PLEKHM3: variants seen among roughly 807,000 people sequenced by gnomAD.
PLEKHM3 encodes pleckstrin homology domain-containing family M member 3.
In PLEKHM3, 45 loss-of-function variants were observed where a neutral mutation model predicts 81.8. The observed-to-expected ratio is 0.55, with a 90% CI of 0.43 to 0.71. The LOEUF is 0.71. Among genes scored for constraint, PLEKHM3 ranks in the 30% least tolerant of loss-of-function variants. PLEKHM3 has a pLI of 0.00. For synonymous variants in PLEKHM3, 352 were observed against 356.4 expected, an observed-to-expected ratio of 0.99 and a Z score of 0.14; for missense variants, 788 against 924.3, an observed-to-expected ratio of 0.85 and a Z score of 1.91.
intron 3 of PLEKHM3, among the ~76,000 whole-genome samples, chr2:207,951,602 C>T (rs1281340994): frequency 6.6e-6 from 1 of 152,220 alleles, no homozygotes. Flanking sequence ...AGCCTCCCCT[C>T]TGATACACTC....
chr2:207,865,801 A>AAAAAAAAAAAAT lies in PLEKHM3; in HGVS notation c.1951-4540_1951-4539insATTTTTTTTTTT. Reference sequence around the variant, plus strand: ...CGACTCAAAAAAAAAAAAAAAAAAAAAGATATATATATATATATATATATA... The same window carrying AAAAAAAAAAAAT: ...CGACTCAAAAAAAAAAAAAAAAAAAAAAAAAAAAAAATAGATATATATATATATATATATATA... On this transcript the variant is annotated intron_variant, in intron 6 of 7. Coordinates refer to ENST00000427836, the MANE Select transcript of PLEKHM3 (RefSeq NM_001080475.3). Among the ~76,000 whole-genome samples, 14 of 25,282 alleles carry AAAAAAAAAAAAT rather than the reference A, an allele frequency of 5.5e-4. 3 individuals are homozygous for AAAAAAAAAAAAT. Among genetic ancestry groups the AAAAAAAAAAAAT allele is most frequent in the Admixed American group, 6.7e-4 (2 of 3,000 alleles). 16.6% of individuals were successfully genotyped at this position (25,282 alleles called of 152,430 possible).
chr2:207,906,323 C>G (rs1688609334), intron 6 of PLEKHM3, among the ~76,000 whole-genome samples: 1 of 152,182 alleles, frequency 6.6e-6, no homozygotes, highest in Non-Finnish European at 1.5e-5. Flanking sequence ...CCCTAGCCAG[C>G]AGACCACTGC....
At chr2:207,891,877 A>AT (rs1406690930) in intron 6 of PLEKHM3, among the ~76,000 whole-genome samples, 3 of 152,170 alleles carry the variant, frequency 2.0e-5, no homozygotes, top group African/African-American at 7.2e-5. Context: ...TCTTTCACTT[A>AT]TGGATTATTT....
intron 7 of PLEKHM3, among the ~76,000 whole-genome samples, chr2:207,856,390 T>C (rs2092437838): frequency 6.6e-6 from 1 of 152,200 alleles, no homozygotes; most frequent in African/African-American, 2.4e-5. Flanking sequence ...CTGACAAATG[T>C]ATAATGTCAT....
At chr2:207,837,444 T>C (rs1191024960) in intron 7 of PLEKHM3, among the ~76,000 whole-genome samples, 1 of 151,820 alleles carries the variant, frequency 6.6e-6, no homozygotes, top group Admixed American at 6.6e-5. Context: ...CTACTAAAAA[T>C]ACAAAAATTA....
intron 7 of PLEKHM3, among the ~76,000 whole-genome samples, chr2:207,841,908 ATACTAGGGAAGTT>A (rs1453210362): frequency 6.6e-6 from 1 of 152,164 alleles, no homozygotes; most frequent in African/African-American, 2.4e-5. Flanking sequence ...TATATTAAAT[ATACTAGGGAAGTT>A]TACTGCCCCG....
chr2:208,009,163 A>G (rs1692605507), intron 1 of PLEKHM3, among the ~76,000 whole-genome samples: 1 of 152,064 alleles, frequency 6.6e-6, no homozygotes, highest in African/African-American at 2.4e-5. Flanking sequence ...GCCTTTCACA[A>G]TCTTGGGCTA....
chr2:207,861,342 C>T, intron 6 of PLEKHM3, 80 bp from the exon 7 acceptor site: 2 of 1,391,086 alleles, frequency 1.4e-6, no homozygotes, highest in Non-Finnish European at 1.9e-6. Flanking sequence ...AAAGGAATTC[C>T]TTTCCTTTAC....
At chr2:207,992,233 T>C (rs1691922297) in intron 2 of PLEKHM3, among the ~76,000 whole-genome samples, 1 of 152,186 alleles carries the variant, frequency 6.6e-6, no homozygotes, top group African/African-American at 2.4e-5. Flanking sequence ...TGGCTTAGAA[T>C]CCTAGCCCTG....
intron 6 of PLEKHM3, among the ~76,000 whole-genome samples, chr2:207,908,124 C>T (rs116361709): frequency 0.019 from 2,841 of 152,214 alleles, 87 homozygotes; most frequent in African/African-American, 0.065. Flanking sequence ...CACTTTTTTG[C>T]TATTATGAAT....
At chr2:207,913,154 G>T (rs1032528310) in intron 5 of PLEKHM3, among the ~76,000 whole-genome samples, 2 of 152,124 alleles carry the variant, frequency 1.3e-5, no homozygotes, top group Non-Finnish European at 2.9e-5. Flanking sequence ...TTGTCTTGGT[G>T]GGGGAAAGGG....
chr2:207,974,237 CCTT>C (rs1328243774), intron 3 of PLEKHM3, among the ~76,000 whole-genome samples: 4 of 152,154 alleles, frequency 2.6e-5, no homozygotes, highest in Admixed American at 1.3e-4. Flanking sequence ...GCTTCCTTCT[CCTT>C]CTTTTGCTCA....
intron 7 of PLEKHM3, among the ~76,000 whole-genome samples, chr2:207,837,876 T>C (rs1481555678): frequency 6.8e-6 from 1 of 148,036 alleles, no homozygotes; most frequent in Non-Finnish European, 1.5e-5. Flanking sequence ...GTTCAAGCGA[T>C]TCTCCTGCCT....
chr2:207,967,486 G>C (rs1690957187), intron 3 of PLEKHM3, among the ~76,000 whole-genome samples: 1 of 152,182 alleles, frequency 6.6e-6, no homozygotes, highest in Admixed American at 6.5e-5. Context: ...CCATCCTCTA[G>C]CTTAACGTTT....
chr2:207,993,937 G>A (rs886727543), intron 2 of PLEKHM3, among the ~76,000 whole-genome samples: 2 of 152,102 alleles, frequency 1.3e-5, no homozygotes, highest in East Asian at 1.9e-4. Flanking sequence ...CCATACCTAC[G>A]TTTTCATTAC....
intron 5 of PLEKHM3, among the ~76,000 whole-genome samples, chr2:207,926,814 C>T (rs748491425): frequency 1.1e-4 from 17 of 152,148 alleles, no homozygotes; most frequent in African/African-American, 1.7e-4. Flanking sequence ...GGATGAATAC[C>T]GGACAGCCAT....
At chr2:207,903,862 G>A (rs1007323850) in intron 6 of PLEKHM3, among the ~76,000 whole-genome samples, 1 of 152,190 alleles carries the variant, frequency 6.6e-6, no homozygotes, top group Non-Finnish European at 1.5e-5. Flanking sequence ...GAGAGTTACG[G>A]TACAAGTCTT....
At chr2:208,003,339 A>C (rs758795096) in intron 1 of PLEKHM3, among the ~76,000 whole-genome samples, 3 of 152,228 alleles carry the variant, frequency 2.0e-5, no homozygotes, top group Non-Finnish European at 4.4e-5. Context: ...GGACTAATAC[A>C]TATATGTTAT....
chr2:207,936,817 C>T (rs900386021), intron 4 of PLEKHM3, among the ~76,000 whole-genome samples: 11 of 150,828 alleles, frequency 7.3e-5, no homozygotes, highest in Admixed American at 2.6e-4. Context: ...ATCTAAATGT[C>T]CACCAAAAAA....
Sources: gnomAD v4.1 joint callset for allele counts (sites outside exome capture counted in the v4.1 genomes callset) on GRCh38, gnomAD v4.1.1 for gene constraint, MANE v1.5 for transcripts, NCBI Gene and HGNC (gene_info 2026-07-23, HGNC 2026-07-21) for gene names.